Variants in FAM13B observed in about 807,000 individuals in gnomAD.
FAM13B encodes protein FAM13B.
In FAM13B, 60 loss-of-function variants were observed where a neutral mutation model predicts 117.3. That is an observed-to-expected ratio of 0.51 (90% confidence interval 0.42 to 0.63). FAM13B has a LOEUF of 0.63. Ranked by LOEUF, FAM13B falls within the 30% of genes least tolerant of loss-of-function variation. The pLI, the probability that FAM13B is intolerant of heterozygous loss-of-function variation, is 0.00. For missense variants in FAM13B, 972 were observed against 1,091.9 expected, an observed-to-expected ratio of 0.89 and a Z score of 1.55; for synonymous variants, 332 against 356.1, an observed-to-expected ratio of 0.93 and a Z score of 0.76.
intron 4 of FAM13B, among the ~76,000 whole-genome samples, chr5:138,014,487 T>C (rs1311516021): frequency 6.6e-6 from 1 of 152,222 alleles, no homozygotes; most frequent in African/African-American, 2.4e-5. Flanking sequence ...ATGATCTGAG[T>C]TGGAACAGTT....
At chr5:138,020,094 C>G (rs2150979861) in intron 2 of FAM13B, 2 of 776,198 alleles carry the variant, frequency 2.6e-6, no homozygotes, top group South Asian at 5.9e-5. Context: ...GAGTTTCGCT[C>G]TTTTTGCCCA....
intron 5 of FAM13B, among the ~76,000 whole-genome samples, chr5:138,011,443 G>C (rs1405285382): frequency 6.6e-6 from 1 of 151,390 alleles, no homozygotes; most frequent in Non-Finnish European, 1.5e-5. Flanking sequence ...TTATGAGATG[G>C]AGTCTCGCTC....
In FAM13B at chr5:137,962,336, T is replaced by A. The variant is rs1008943400; in HGVS notation, c.1244+69A>T. On this transcript the variant is annotated intron_variant, in intron 11 of 23. Transcript: ENST00000689681. ...TATAATGGACATTCATCTAAAAAAA[T>A]CACCTCAAAAATCTGTGAAGAGCTC... The A allele has an allele frequency of 7.6e-5, 103 of 1,362,296 alleles. 1 individual carries two copies. The highest frequency in any genetic ancestry group is 3.7e-5 in the Admixed American group (2 of 53,780). The allele number at this position is 1,362,296 out of a possible 1,614,324, so 84.4% of individuals were successfully genotyped here.
chr5:137,940,945 G>T (rs972223683), intron 23 of FAM13B, among the ~76,000 whole-genome samples: 1 of 151,998 alleles, frequency 6.6e-6, no homozygotes, highest in African/African-American at 2.4e-5. Flanking sequence ...TTGCTCTGTC[G>T]CCCAGGCTGG....
At chr5:137,951,855 T>TA (rs972654715) in intron 17 of FAM13B, among the ~76,000 whole-genome samples, 9 of 151,696 alleles carry the variant, frequency 5.9e-5, no homozygotes, top group African/African-American at 2.2e-4. Flanking sequence ...CGTGCACCTG[T>TA]AATCCCAGCT....
chr5:138,012,022 T>A (rs1392357404), intron 4 of FAM13B, 77 bp from the exon 5 acceptor site: 1 of 938,778 alleles, frequency 1.1e-6, no homozygotes, highest in Non-Finnish European at 1.6e-6. Flanking sequence ...TTCACATTAC[T>A]CCACCCACAT....
intron 7 of FAM13B, among the ~76,000 whole-genome samples, chr5:137,996,965 G>A (rs568749967): frequency 6.0e-4 from 91 of 152,266 alleles, no homozygotes; most frequent in African/African-American, 1.7e-3. Context: ...TTTATAACAC[G>A]AAGTAATTTT....
intron 7 of FAM13B, among the ~76,000 whole-genome samples, chr5:138,005,291 C>G (rs1015890160): frequency 6.6e-6 from 1 of 152,134 alleles, no homozygotes; most frequent in Non-Finnish European, 1.5e-5. Context: ...CCATTTAAAT[C>G]TATTGCTGTA....
At chr5:137,980,178 A>T (rs1008540720) in intron 10 of FAM13B, among the ~76,000 whole-genome samples, 1 of 148,152 alleles carries the variant, frequency 6.7e-6, no homozygotes, top group Non-Finnish European at 1.5e-5. Flanking sequence ...CGTCTCAAGA[A>T]AAAAAAAAAA....
At position 137,939,821 on chromosome 5, in the gene FAM13B, A is replaced by T; in HGVS notation, c.*404T>A. On this transcript the variant is annotated 3_prime_UTR_variant, in exon 24 of 24. Coordinates refer to ENST00000689681, the MANE Select transcript of FAM13B (RefSeq NM_001385994.1). ...TCATTCTGTAAGAAAAAGGCAACAG[A>T]AGAATTCAGTATGAAGATTTTCCTC... 1 of 1,256,324 alleles carries T rather than the reference A, an allele frequency of 8.0e-7. No homozygotes were observed. The highest frequency in any genetic ancestry group is 1.0e-6 in the Non-Finnish European group (1 of 999,142). 77.8% of individuals were successfully genotyped at this position (1,256,324 alleles called of 1,614,324 possible).
intron 10 of FAM13B, among the ~76,000 whole-genome samples, chr5:137,970,113 C>A (rs551145661): frequency 1.1e-4 from 16 of 151,940 alleles, no homozygotes; most frequent in Non-Finnish European, 2.1e-4. Context: ...CAGAGAACGC[C>A]ACAAAGATAC....
intron 10 of FAM13B, among the ~76,000 whole-genome samples, chr5:137,977,421 C>T (rs1288505475): frequency 6.6e-6 from 1 of 152,172 alleles, no homozygotes; most frequent in Non-Finnish European, 1.5e-5. Flanking sequence ...ACTCCCTCTC[C>T]TTTTGAAAAT....
chr5:138,024,579 T>TAAA (rs56110483), intron 1 of FAM13B, among the ~76,000 whole-genome samples: 2 of 140,166 alleles, frequency 1.4e-5, no homozygotes, highest in Admixed American at 1.4e-4. Context: ...TATTACATTC[T>TAAA]AAAAAAAAAA....
rs138102785 is a variant in FAM13B, at chr5:137,940,294, C to T, written c.2745G>A (p.Lys915=). The change falls in exon 24 of 24, where the codon AAG becomes AAA. Residue 915 remains lysine (K), a synonymous_variant. Transcript: ENST00000689681. ...GAAGCCTAAGCTTGGCTTTAATTTT[C>T]TTGTACTCTCTGTACTCCTCAAGCA... ...VPVLEEYREY[K]KIKAKLRLLE... The T allele has an allele frequency of 1.1e-5, 17 of 1,611,320 alleles. No homozygotes were observed. In the African/African-American group the frequency reaches 1.6e-4, roughly 15 times the overall value.
chr5:137,977,619 G>A (rs558523388), intron 10 of FAM13B, among the ~76,000 whole-genome samples: 1 of 152,272 alleles, frequency 6.6e-6, no homozygotes, highest in Non-Finnish European at 1.5e-5. Context: ...CAGGTTCCCT[G>A]ATATCTCAAA....
chr5:137,991,526 A>T (rs2150650544), intron 7 of FAM13B, among the ~76,000 whole-genome samples: 1 of 152,330 alleles, frequency 6.6e-6, no homozygotes, highest in South Asian at 2.1e-4. Context: ...ATTTTGTTGG[A>T]GATCTATACT....
At chr5:137,962,283 C>T (rs1238093121) in intron 11 of FAM13B, 122 bp downstream of exon 11, 1 of 728,156 alleles carries the variant, frequency 1.4e-6, no homozygotes, top group Non-Finnish European at 2.3e-6. Context: ...AACAAGAAGG[C>T]TGTTTAAGAT....
At chr5:138,051,460 A>G (rs1791796315) in intron 1 of FAM13B, among the ~76,000 whole-genome samples, 1 of 152,228 alleles carries the variant, frequency 6.6e-6, no homozygotes, top group Non-Finnish European at 1.5e-5. Context: ...AAGGGACTTT[A>G]TGTATATTTT....
intron 18 of FAM13B, 56 bp from the exon 19 acceptor site, chr5:137,946,367 A>G: frequency 8.6e-7 from 1 of 1,160,870 alleles, no homozygotes. Context: ...AAAAACAAAA[A>G]AACTCCACTG....
Sources: allele counts gnomAD v4.1 joint callset (sites outside exome capture counted in the v4.1 genomes callset), GRCh38; gene constraint gnomAD v4.1.1; transcripts MANE v1.5; gene names NCBI Gene and HGNC (gene_info 2026-07-23, HGNC 2026-07-21).